Variants in NSMCE1 observed in about 807,000 individuals in gnomAD.
NSMCE1 encodes NSE1 component of SMC5/6 complex.
Under a neutral mutation model 29.6 loss-of-function variants are expected in NSMCE1, and 18 were observed. That is an observed-to-expected ratio of 0.61 (90% CI 0.42 to 0.90). The LOEUF is 0.90. Among genes scored for constraint, NSMCE1 ranks in the 40% least tolerant of loss-of-function variants. The pLI, the probability that NSMCE1 is intolerant of heterozygous loss-of-function variation, is 0.00. For synonymous variants in NSMCE1, 124 were observed against 133.4 expected (o/e 0.93, Z 0.49); for missense variants, 314 against 343.6 (o/e 0.91, Z 0.68).
At position 27,250,224 on chromosome 16, in the gene NSMCE1, G is replaced by A. The variant is rs368368776; in HGVS notation, c.136+7211C>T. Among the ~76,000 whole-genome samples the A allele has an allele frequency of 1.1e-4, 16 of 152,166 alleles. No homozygotes were observed. The South Asian group carries it at 1.2e-3, about 12-fold the overall frequency. On this transcript the variant is annotated intron_variant, in intron 2 of 7. Coordinates refer to ENST00000361439, the MANE Select transcript of NSMCE1 (RefSeq NM_145080.4). ...TGTGAACTGACAGTTTTACTGTGTC[G>A]TCCTTTCTAATCCAGCTACCTTTTG... is the stretch of plus-strand genomic sequence containing the variant.
intron 1 of NSMCE1, chr16:27,258,237 T>A (rs932932843): frequency 6.6e-6 from 1 of 152,260 alleles, no homozygotes; most frequent in African/African-American, 2.4e-5. Flanking sequence ...CAAAATGGGA[T>A]CTTTCCGTAA....
intron 4 of NSMCE1, 119 bp from the exon 5 acceptor site, chr16:27,233,266 C>T: frequency 1.3e-6 from 1 of 765,808 alleles, no homozygotes; most frequent in Non-Finnish European, 2.1e-6. Flanking sequence ...CAGAACTGTA[C>T]ACTGGCATGG....
At chr16:27,236,930 T>C (rs2083832206) in intron 2 of NSMCE1, among the ~76,000 whole-genome samples, 1 of 151,292 alleles carries the variant, frequency 6.6e-6, no homozygotes, top group Admixed American at 6.6e-5. Context: ...AAGCTACCCG[T>C]ACAACTCAAG....
At chr16:27,251,175 T>TAG (rs2084026691) in intron 2 of NSMCE1, among the ~76,000 whole-genome samples, 1 of 51,400 alleles carries the variant, frequency 1.9e-5, no homozygotes, top group Non-Finnish European at 3.1e-5. Flanking sequence ...TATATATATA[T>TAG]ATATATATAT....
At chr16:27,229,124 G>T (rs567065721) in intron 5 of NSMCE1, among the ~76,000 whole-genome samples, 1 of 152,264 alleles carries the variant, frequency 6.6e-6, no homozygotes, top group Admixed American at 6.5e-5. Context: ...TGCTCGCCTC[G>T]CAATCTTTGT....
chr16:27,243,062 G>A (rs959946955), intron 2 of NSMCE1, among the ~76,000 whole-genome samples: 2 of 152,214 alleles, frequency 1.3e-5, no homozygotes, highest in African/African-American at 4.8e-5. Context: ...GGGCACAGCA[G>A]GGAGCTGGCG....
At chr16:27,235,443 G>A (rs915563578) in intron 2 of NSMCE1, 144 bp from the exon 3 acceptor site, 13 of 812,090 alleles carry the variant, frequency 1.6e-5, no homozygotes, top group Non-Finnish European at 2.5e-5. Flanking sequence ...TTGGGTGAAC[G>A]CCAATGCCAC....
intron 1 of NSMCE1, among the ~76,000 whole-genome samples, chr16:27,259,613 C>T (rs1010634829): frequency 6.6e-6 from 1 of 152,054 alleles, no homozygotes; most frequent in African/African-American, 2.4e-5. Flanking sequence ...AAAGCAGTCT[C>T]CTGAAGGGAT....
At chr16:27,234,110 G>A (rs2083792070) in intron 4 of NSMCE1, 78 bp downstream of exon 4, 5 of 933,510 alleles carry the variant, frequency 5.4e-6, no homozygotes, top group East Asian at 2.4e-5. Context: ...GAACACTGCA[G>A]TTGCCACTGC....
intron 2 of NSMCE1, among the ~76,000 whole-genome samples, chr16:27,237,755 G>A (rs534563010): frequency 1.3e-5 from 2 of 152,296 alleles, no homozygotes; most frequent in Admixed American, 6.5e-5. Flanking sequence ...CAGACACCCC[G>A]TTGCAGGGAG....
At chr16:27,239,148 G>A (rs2083861726) in intron 2 of NSMCE1, among the ~76,000 whole-genome samples, 1 of 152,180 alleles carries the variant, frequency 6.6e-6, no homozygotes, top group Admixed American at 6.5e-5. Flanking sequence ...GGGATTACAG[G>A]CGTGAGCCAC....
chr16:27,226,002 A>G (rs1285336710), intron 6 of NSMCE1, 156 bp from the exon 7 acceptor site: 1 of 800,786 alleles, frequency 1.2e-6, no homozygotes, highest in Non-Finnish European at 1.9e-6. Flanking sequence ...GCCTTAGTGC[A>G]GTGGAGTCTT....
intron 2 of NSMCE1, among the ~76,000 whole-genome samples, chr16:27,245,721 T>C (rs968027975): frequency 1.2e-4 from 19 of 152,260 alleles, no homozygotes; most frequent in Admixed American, 3.9e-4. Flanking sequence ...CGTTAGATGT[T>C]ACTTTTCATA....
intron 2 of NSMCE1, among the ~76,000 whole-genome samples, chr16:27,250,948 T>G (rs2084020856): frequency 6.9e-6 from 1 of 144,572 alleles, no homozygotes; most frequent in Non-Finnish European, 1.5e-5. Context: ...TTCAAGCAAT[T>G]CTCCTGCCTC....
At chr16:27,233,433 TGA>T (rs150078292) in intron 4 of NSMCE1, among the ~76,000 whole-genome samples, 8 of 152,000 alleles carry the variant, frequency 5.3e-5, no homozygotes, top group African/African-American at 1.9e-4. Flanking sequence ...TCGGAGGCAG[TGA>T]GAGAGAGACA....
At position 27,233,042 on chromosome 16, in the gene NSMCE1, G is replaced by C. The variant is rs3211442; in HGVS notation, c.442C>G (p.Gln148Glu). ...TTTTGAACAAACTTCTGCAGCACCT[G>C]CTCCGCTTCCTTCTTCCTCATCTTC... The part of the protein sequence containing the change: ...GKKMRKKEAE[Q>E]VLQKFVQNKW... The change falls in exon 5 of 8, where the codon CAG becomes GAG. Residue 148 changes from glutamine (Q) to glutamate (E), a missense_variant. By Grantham distance (29) the Gln-to-Glu change is conservative (BLOSUM62 2). Transcript: ENST00000361439. 5.0e-6 allele frequency: 8 copies of C among 1,614,018 alleles called. No individual in the cohort carries two copies. Among genetic ancestry groups the C allele is most frequent in the Middle Eastern group, 3.3e-4 (2 of 6,084 alleles).
intron 2 of NSMCE1, among the ~76,000 whole-genome samples, chr16:27,236,336 G>A (rs935293876): frequency 1.6e-5 from 2 of 121,632 alleles, no homozygotes; most frequent in Non-Finnish European, 3.2e-5. Context: ...TCTTGCTCTC[G>A]CCCTGGCTGG....
intron 5 of NSMCE1, among the ~76,000 whole-genome samples, chr16:27,229,171 C>T (rs776451764): frequency 5.3e-5 from 8 of 152,242 alleles, no homozygotes; most frequent in Non-Finnish European, 8.8e-5. Flanking sequence ...TTGAGTGCAC[C>T]TGCTGGCCAC....
At chr16:27,255,791 T>G (rs2084080956) in intron 2 of NSMCE1, among the ~76,000 whole-genome samples, 1 of 152,250 alleles carries the variant, frequency 6.6e-6, no homozygotes, top group Admixed American at 6.5e-5. Flanking sequence ...GGATCAGGCT[T>G]TGAACTCTAA....
Sources: gnomAD v4.1 joint callset for allele counts (sites outside exome capture counted in the v4.1 genomes callset) on GRCh38, gnomAD v4.1.1 for gene constraint, MANE v1.5 for transcripts, NCBI Gene and HGNC (gene_info 2026-07-23, HGNC 2026-07-21) for gene names.